Variants in LRFN5 observed in about 807,000 individuals in gnomAD.
LRFN5 encodes the protein leucine rich repeat and fibronectin type III domain containing 5.
LRFN5 carries 24 observed loss-of-function variants against 45.6 expected under a neutral mutation model. The ratio of observed to expected loss-of-function variants is 0.53; its 90% CI spans 0.38 to 0.74. The LOEUF is 0.74. Among genes scored for constraint, LRFN5 ranks in the 30% least tolerant of loss-of-function variants. LRFN5 has a pLI of 0.00. For synonymous variants in LRFN5, 340 were observed against 313.8 expected, an observed-to-expected ratio of 1.08 and a Z score of -0.88; for missense variants, 776 against 861.5, an observed-to-expected ratio of 0.90 and a Z score of 1.24.
In LRFN5 at chr14:41,891,591, C is replaced by T; in HGVS notation, c.1727C>T (p.Ala576Val). The T allele has an allele frequency of 6.2e-7, 1 of 1,614,172 alleles. No individual in the cohort carries two copies. The highest frequency in any genetic ancestry group is 1.3e-5 in the African/African-American group (1 of 75,036). ...AATGTTTATTCCCAAACTAACGGGG[C>T]TCAAATACAAGGCTGTAGTGTAACG... ...VSNVYSQTNGAQIQGCSVTLP... is the reference protein window; with the variant it reads ...VSNVYSQTNGVQIQGCSVTLP... Residue 576 changes from alanine to valine, a missense_variant, in exon 4 of 6, where the codon GCT becomes GTT. Ala to Val is a moderately conservative substitution (Grantham distance 64, BLOSUM62 0). Transcript: ENST00000298119.
intron 4 of LRFN5, chr14:41,892,908 G>A: frequency 1.0e-6 from 1 of 985,056 alleles, no homozygotes; most frequent in Non-Finnish European, 1.2e-6. Context: ...TGAGTTTTAT[G>A]TTGTTCTTAA....
intron 2 of LRFN5, among the ~76,000 whole-genome samples, chr14:41,787,778 T>C (rs1886779857): frequency 6.6e-6 from 1 of 152,116 alleles, no homozygotes; most frequent in Non-Finnish European, 1.5e-5. Flanking sequence ...TTTTATTTTT[T>C]ATTTTTATGA....
chr14:41,804,810 C>G (rs921834877), intron 2 of LRFN5, among the ~76,000 whole-genome samples: 1 of 152,094 alleles, frequency 6.6e-6, no homozygotes, highest in Non-Finnish European at 1.5e-5. Context: ...TTGATTTATT[C>G]TCTTATTTTC....
intron 4 of LRFN5, chr14:41,894,973 T>C (rs541171940): frequency 3.0e-4 from 290 of 975,564 alleles, no homozygotes; most frequent in Middle Eastern, 2.1e-3. Context: ...TATATACATA[T>C]ATATTATTTT....
chr14:41,647,600 G>A (rs1879878448), intron 1 of LRFN5, among the ~76,000 whole-genome samples: 1 of 152,148 alleles, frequency 6.6e-6, no homozygotes, highest in African/African-American at 2.4e-5. Context: ...TCATAATATG[G>A]ATATTAATTA....
At chr14:41,695,556 G>A (rs1260656554) in intron 1 of LRFN5, among the ~76,000 whole-genome samples, 2 of 151,934 alleles carry the variant, frequency 1.3e-5, no homozygotes, top group Non-Finnish European at 2.9e-5. Flanking sequence ...GGAAGTTGAA[G>A]CCAGTGCTTA....
chr14:41,769,480 A>G (rs1886002263), intron 2 of LRFN5, among the ~76,000 whole-genome samples: 1 of 152,068 alleles, frequency 6.6e-6, no homozygotes, highest in Non-Finnish European at 1.5e-5. Flanking sequence ...ATACATACCT[A>G]TGTATGTGTG....
intron 2 of LRFN5, among the ~76,000 whole-genome samples, chr14:41,804,334 G>A (rs1397809464): frequency 6.6e-6 from 1 of 152,066 alleles, no homozygotes; most frequent in Non-Finnish European, 1.5e-5. Context: ...TCTGGGTAGG[G>A]CCCACAGGAC....
intron 1 of LRFN5, among the ~76,000 whole-genome samples, chr14:41,726,940 C>T (rs1322002147): frequency 2.6e-5 from 4 of 152,114 alleles, no homozygotes; most frequent in Admixed American, 1.3e-4. Flanking sequence ...TATTTACTTT[C>T]AGTTTCTTTA....
chr14:41,736,135 T>G (rs1351679850), intron 1 of LRFN5, among the ~76,000 whole-genome samples: 1 of 152,234 alleles, frequency 6.6e-6, no homozygotes, highest in African/African-American at 2.4e-5. Flanking sequence ...ATGGGATCAC[T>G]GGGTCAAATG....
At chr14:41,686,870 A>T (rs1293163786) in intron 1 of LRFN5, among the ~76,000 whole-genome samples, 1 of 152,156 alleles carries the variant, frequency 6.6e-6, no homozygotes, top group African/African-American at 2.4e-5. Context: ...CCAGTATTTT[A>T]GTGAGGATTG....
intron 1 of LRFN5, among the ~76,000 whole-genome samples, chr14:41,697,713 C>T (rs1882673813): frequency 6.7e-6 from 1 of 150,230 alleles, no homozygotes. Flanking sequence ...TTCAACATTC[C>T]TATGTCCTCC....
Position 41,888,109 on chromosome 14 carries a change from G to T in LRFN5, c.1385+99G>T, listed in dbSNP as rs992864182. The T allele has an allele frequency of 1.6e-5, 14 of 893,398 alleles. No individual in the cohort carries two copies. In the Admixed American group the frequency reaches 4.1e-4, roughly 26 times the overall value. 55.3% of individuals were successfully genotyped at this position (893,398 alleles called of 1,614,324 possible). On this transcript the variant is annotated intron_variant, in intron 3 of 5. Transcript: ENST00000298119. ...TTTTTAATTGGCAGTGCTGTTCTGT[G>T]TTGTAATTCCATATTTTAAAGTGCA...
At chr14:41,826,032 A>G (rs954552322) in intron 2 of LRFN5, among the ~76,000 whole-genome samples, 3 of 152,092 alleles carry the variant, frequency 2.0e-5, no homozygotes, top group African/African-American at 7.2e-5. Flanking sequence ...TCTACTTTCA[A>G]CATTTAGTTC....
At chr14:41,884,358 A>C (rs1890490451) in intron 2 of LRFN5, among the ~76,000 whole-genome samples, 1 of 152,234 alleles carries the variant, frequency 6.6e-6, no homozygotes. Flanking sequence ...AGTAATGAAC[A>C]GAAGATTCTA....
chr14:41,855,205 C>A (rs530328769), intron 2 of LRFN5, among the ~76,000 whole-genome samples: 1 of 152,134 alleles, frequency 6.6e-6, no homozygotes, highest in East Asian at 1.9e-4. Context: ...TTGGCTTAAA[C>A]GTAGGGTGAA....
At chr14:41,802,228 T>C (rs1332155209) in intron 2 of LRFN5, among the ~76,000 whole-genome samples, 1 of 152,094 alleles carries the variant, frequency 6.6e-6, no homozygotes, top group Non-Finnish European at 1.5e-5. Flanking sequence ...AGTATAGATG[T>C]GGGCTCAAGT....
intron 1 of LRFN5, among the ~76,000 whole-genome samples, chr14:41,743,866 T>C (rs1057045804): frequency 6.6e-6 from 1 of 152,108 alleles, no homozygotes; most frequent in African/African-American, 2.4e-5. Flanking sequence ...TCGTTTGTAC[T>C]TTAGGAAAAA....
chr14:41,631,245 T>A (rs1594565715), intron 1 of LRFN5, among the ~76,000 whole-genome samples: 1 of 140,778 alleles, frequency 7.1e-6, no homozygotes, highest in African/African-American at 2.8e-5. Flanking sequence ...TTCCACAGAC[T>A]CTATTTTATT....
Sources: allele counts gnomAD v4.1 joint callset (sites outside exome capture counted in the v4.1 genomes callset), GRCh38; gene constraint gnomAD v4.1.1; transcripts MANE v1.5; gene names NCBI Gene and HGNC (gene_info 2026-07-23, HGNC 2026-07-21).